Variants in DPP10 observed in about 807,000 individuals in gnomAD.
DPP10 encodes inactive dipeptidyl peptidase 10.
In DPP10, 33 loss-of-function variants were observed where a neutral mutation model predicts 120.9. The observed-to-expected ratio is 0.27, with a 90% CI of 0.21 to 0.37. The LOEUF (loss-of-function observed/expected upper bound fraction) is 0.37, where lower values mean the gene tolerates loss of function less well. Among genes scored for constraint, DPP10 ranks in the 10% least tolerant of loss-of-function variants. The pLI, the probability that DPP10 is intolerant of heterozygous loss-of-function variation, is 1.00. For missense variants in DPP10, 816 were observed against 942.8 expected, an observed-to-expected ratio of 0.87 and a Z score of 1.76; for synonymous variants, 337 against 326.1, an observed-to-expected ratio of 1.03 and a Z score of -0.36.
chr2:114,987,542 C>G (rs144450071), intron 1 of DPP10, among the ~76,000 whole-genome samples: 1 of 151,940 alleles, frequency 6.6e-6, no homozygotes, highest in South Asian at 2.1e-4. Flanking sequence ...TTATTTCTGG[C>G]TATATAGTCA....
intron 1 of DPP10, among the ~76,000 whole-genome samples, chr2:114,904,130 A>G (rs899946810): frequency 3.3e-5 from 5 of 152,356 alleles, no homozygotes; most frequent in East Asian, 1.9e-4. Context: ...CCAAAAAAAT[A>G]TGGACATTAA....
At chr2:114,836,075 AC>A (rs1467677409) in intron 1 of DPP10, among the ~76,000 whole-genome samples, 1 of 151,884 alleles carries the variant, frequency 6.6e-6, no homozygotes, top group African/African-American at 2.4e-5. Context: ...GTGCTCTTTC[AC>A]CCCACCCCTA....
intron 3 of DPP10, among the ~76,000 whole-genome samples, chr2:115,473,394 C>T (rs1420096296): frequency 6.6e-6 from 1 of 152,130 alleles, no homozygotes; most frequent in Non-Finnish European, 1.5e-5. Context: ...TCTGTTTTCC[C>T]TAAATGAAAG....
At chr2:115,428,549 A>G (rs1300681311) in intron 3 of DPP10, among the ~76,000 whole-genome samples, 2 of 152,008 alleles carry the variant, frequency 1.3e-5, no homozygotes, top group African/African-American at 4.8e-5. Flanking sequence ...GTTCAGGGGT[A>G]AGAGAGGTAG....
intron 1 of DPP10, among the ~76,000 whole-genome samples, chr2:114,978,777 A>T (rs1326513990): frequency 1.3e-5 from 2 of 152,150 alleles, no homozygotes; most frequent in Non-Finnish European, 2.9e-5. Context: ...TCTTCATGAC[A>T]TTGGTAGATA....
At position 114,556,234 on chromosome 2, in the gene DPP10, C is replaced by CATATATATATATAT. The variant is rs56772742; in HGVS notation, c.60+113418_60+113431dup. On this transcript the variant is annotated intron_variant, in intron 1 of 25. Transcript: ENST00000410059. ...GAGAAACAGTGATACATAGATGATA[C>CATATATATATATAT]ATATATATATATATATATATATATA... Among the ~76,000 whole-genome samples, 140 of 86,928 alleles carry CATATATATATATAT rather than the reference C, an allele frequency of 1.6e-3. 3 individuals are homozygous for CATATATATATATAT. The highest frequency in any genetic ancestry group is 6.8e-3 in the Middle Eastern group (1 of 148). 57.0% of individuals were successfully genotyped at this position (86,928 alleles called of 152,430 possible).
chr2:114,853,046 A>G (rs1230541292), intron 1 of DPP10, among the ~76,000 whole-genome samples: 2 of 152,206 alleles, frequency 1.3e-5, no homozygotes, highest in Non-Finnish European at 1.5e-5. Flanking sequence ...AAAGTAAGGT[A>G]TGTTGAGCTA....
rs1559367020 is a variant in DPP10, at chr2:115,286,538, TATAA to T, written c.61-22699_61-22696del. 5.1e-4 allele frequency among the ~76,000 whole-genome samples: 58 copies of T among 113,866 alleles called. 3 individuals are homozygous for T. The South Asian group carries it at 7.0e-3, about 14-fold the overall frequency. The allele number at this position is 113,866 out of a possible 152,430, so 74.7% of individuals were successfully genotyped here. On this transcript the variant is annotated intron_variant, in intron 1 of 25. Transcript: ENST00000410059. ...AATATATATATATAATATATATATATATAAAATATATACAGAAGGCTGAGAATCA... is the reference window on the plus strand; with the variant it reads ...AATATATATATATAATATATATATATAATATATACAGAAGGCTGAGAATCA...
chr2:115,071,913 A>G (rs1359461585), intron 1 of DPP10, among the ~76,000 whole-genome samples: 1 of 152,148 alleles, frequency 6.6e-6, no homozygotes, highest in Non-Finnish European at 1.5e-5. Context: ...ATTTCTTGGC[A>G]ATGACACTGA....
At chr2:114,529,187 G>T (rs1685750096) in intron 1 of DPP10, among the ~76,000 whole-genome samples, 1 of 152,048 alleles carries the variant, frequency 6.6e-6, no homozygotes, top group African/African-American at 2.4e-5. Flanking sequence ...TGCGCCAATG[G>T]CTGAGTCTTC....
chr2:115,535,743 G>C (rs1183801184), intron 5 of DPP10, among the ~76,000 whole-genome samples: 1 of 151,712 alleles, frequency 6.6e-6, no homozygotes, highest in African/African-American at 2.4e-5. Context: ...TCCTACCCAT[G>C]AGCATGGAAT....
At chr2:114,753,129 G>A (rs1200919416) in intron 1 of DPP10, among the ~76,000 whole-genome samples, 1 of 152,108 alleles carries the variant, frequency 6.6e-6, no homozygotes, top group Non-Finnish European at 1.5e-5. Context: ...CAACAATCAG[G>A]TAAAACACTC....
At chr2:114,564,923 G>T (rs984858343) in intron 1 of DPP10, among the ~76,000 whole-genome samples, 1 of 152,144 alleles carries the variant, frequency 6.6e-6, no homozygotes, top group South Asian at 2.1e-4. Context: ...GAAAAGTTTT[G>T]TCTCCTTTCA....
At chr2:115,231,649 T>G (rs1050796554) in intron 1 of DPP10, among the ~76,000 whole-genome samples, 8 of 152,174 alleles carry the variant, frequency 5.3e-5, no homozygotes, top group African/African-American at 1.9e-4. Flanking sequence ...TGGGATGCAA[T>G]GAATCTCACC....
At chr2:115,324,877 C>T (rs939452930) in intron 2 of DPP10, among the ~76,000 whole-genome samples, 2 of 151,938 alleles carry the variant, frequency 1.3e-5, no homozygotes, top group African/African-American at 4.8e-5. Flanking sequence ...GCTACTGTTG[C>T]CCTAATTTCA....
intron 5 of DPP10, among the ~76,000 whole-genome samples, chr2:115,636,564 G>A (rs1313973852): frequency 6.6e-6 from 1 of 152,012 alleles, no homozygotes; most frequent in Non-Finnish European, 1.5e-5. Flanking sequence ...AAGAGAGAAG[G>A]AGACAGAGAG....
intron 1 of DPP10, among the ~76,000 whole-genome samples, chr2:114,493,849 G>T (rs1682225311): frequency 1.3e-5 from 2 of 152,058 alleles, no homozygotes; most frequent in Non-Finnish European, 2.9e-5. Context: ...AAATCGATGT[G>T]GGAGACAGAG....
intron 1 of DPP10, among the ~76,000 whole-genome samples, chr2:114,625,551 C>G: frequency 6.6e-6 from 1 of 151,944 alleles, no homozygotes; most frequent in South Asian, 2.1e-4. Context: ...TTATCAGCTA[C>G]TTGGTTGAGA....
chr2:115,499,197 T>A (rs568386762), intron 3 of DPP10, among the ~76,000 whole-genome samples: 1 of 152,196 alleles, frequency 6.6e-6, no homozygotes, highest in Non-Finnish European at 1.5e-5. Context: ...TGGAGGCACT[T>A]CTCTTTGCCC....
Sources: allele counts gnomAD v4.1 joint callset (sites outside exome capture counted in the v4.1 genomes callset), GRCh38; gene constraint gnomAD v4.1.1; transcripts MANE v1.5; gene names NCBI Gene and HGNC (gene_info 2026-07-23, HGNC 2026-07-21).